Variants in CDH3 observed in about 807,000 individuals in gnomAD.
CDH3 encodes the protein cadherin-3.
CDH3 carries 54 observed loss-of-function variants against 82.0 expected under a neutral mutation model. The ratio of observed to expected loss-of-function variants is 0.66; its 90% CI spans 0.53 to 0.83. CDH3 has a LOEUF of 0.83. Ranked by LOEUF, CDH3 falls within the 40% of genes least tolerant of loss-of-function variation. CDH3 has a pLI of 0.00. For missense variants in CDH3, 1,054 were observed against 1,084.6 expected (o/e 0.97, Z 0.40); for synonymous variants, 446 against 437.9 (o/e 1.02, Z -0.23).
intron 2 of CDH3, chr16:68,651,209 C>G (rs775970724): frequency 1.9e-6 from 1 of 518,136 alleles, no homozygotes; most frequent in African/African-American, 1.9e-5. Flanking sequence ...TGCAGGTAGC[C>G]CATCTGCAGG....
At chr16:68,731,930 A>G (rs956168198), downstream of CDH3, among the ~76,000 whole-genome samples, 6 of 152,212 alleles carry the variant, frequency 3.9e-5, no homozygotes, top group Admixed American at 6.5e-5. Flanking sequence ...CAAAGTTTAC[A>G]AAAACTTTAA....
intron 3 of CDH3, 131 bp from the exon 4 acceptor site, chr16:68,678,003 C>G: frequency 1.2e-6 from 1 of 834,818 alleles, no homozygotes; most frequent in African/African-American, 1.7e-5. Flanking sequence ...CTCAAGTGAC[C>G]CTCCCAAAGT....
At chr16:68,728,146 G>A (rs780624338), downstream of CDH3, among the ~76,000 whole-genome samples, 1 of 135,228 alleles carries the variant, frequency 7.4e-6, no homozygotes, top group Non-Finnish European at 1.6e-5. Flanking sequence ...CCATCCCACA[G>A]TACCTTATGA....
chr16:68,715,523 G>A (rs745564748), intron 1 of CDH3, among the ~76,000 whole-genome samples: 2 of 152,072 alleles, frequency 1.3e-5, no homozygotes, highest in African/African-American at 2.4e-5. Context: ...CAAGTAGCCC[G>A]GGCACACCCT....
chr16:68,645,547 G>A, intron 1 of CDH3, 89 bp from the exon 2 acceptor site: 1 of 1,452,892 alleles, frequency 6.9e-7, no homozygotes, highest in Non-Finnish European at 9.4e-7. Flanking sequence ...AGGGAGTCCC[G>A]GAAGGCCCGT....
At chr16:68,717,225 A>G (rs999774196) in intron 1 of CDH3, among the ~76,000 whole-genome samples, 64 of 152,270 alleles carry the variant, frequency 4.2e-4, no homozygotes, top group African/African-American at 1.5e-3. Flanking sequence ...TACAGTGCTC[A>G]ATATTCATGA....
At chr16:68,645,950 C>T in intron 2 of CDH3, 200 bp downstream of exon 2, 2 of 590,236 alleles carry the variant, frequency 3.4e-6, no homozygotes, top group Admixed American at 6.0e-5. Context: ...CCTATGACAT[C>T]CAGCCCCTTG....
downstream of CDH3, among the ~76,000 whole-genome samples, chr16:68,704,091 C>A (rs1288385274): frequency 1.3e-5 from 2 of 151,952 alleles, no homozygotes; most frequent in South Asian, 4.2e-4. Flanking sequence ...TCGAGACCAT[C>A]CTGGCTAACA....
chr16:68,708,904 A>G (rs1329309576), intron 1 of CDH3, among the ~76,000 whole-genome samples: 2 of 152,060 alleles, frequency 1.3e-5, no homozygotes, highest in Non-Finnish European at 2.9e-5. Flanking sequence ...CGGCCTCCCA[A>G]AGTGCTGGGA....
intron 2 of CDH3, among the ~76,000 whole-genome samples, chr16:68,662,264 G>T (rs1346628149): frequency 1.3e-5 from 2 of 152,122 alleles, no homozygotes; most frequent in Admixed American, 6.6e-5. Flanking sequence ...TTAAGAAGAG[G>T]CTCAATGTGG....
At chr16:68,648,783 G>A (rs970301932) in intron 2 of CDH3, among the ~76,000 whole-genome samples, 4 of 151,916 alleles carry the variant, frequency 2.6e-5, no homozygotes, top group African/African-American at 9.7e-5. Context: ...AGCAGGGCCT[G>A]AGTGGAGAGG....
intron 2 of CDH3, among the ~76,000 whole-genome samples, chr16:68,669,127 T>C (rs1244995273): frequency 6.6e-6 from 1 of 152,262 alleles, no homozygotes; most frequent in Non-Finnish European, 1.5e-5. Context: ...CTGATCTTGC[T>C]GCTTCCTGGG....
intron 13 of CDH3, among the ~76,000 whole-genome samples, chr16:68,692,723 A>G (rs1402706082): frequency 1.3e-5 from 2 of 152,248 alleles, no homozygotes; most frequent in African/African-American, 4.8e-5. Flanking sequence ...GATAGAACCT[A>G]TCACAGTTGT....
intron 7 of CDH3, among the ~76,000 whole-genome samples, chr16:68,680,466 G>A (rs1961186875): frequency 6.6e-6 from 1 of 152,172 alleles, no homozygotes; most frequent in Non-Finnish European, 1.5e-5. Context: ...ATCACTTGAG[G>A]TCAAGAGTTC....
At chr16:68,731,080 T>A (rs1440456717), downstream of CDH3, among the ~76,000 whole-genome samples, 6 of 85,532 alleles carry the variant, frequency 7.0e-5, no homozygotes, top group Non-Finnish European at 9.0e-5. Flanking sequence ...ATATATATAA[T>A]TATAAAAATA....
downstream of CDH3, among the ~76,000 whole-genome samples, chr16:68,731,447 C>T (rs1009731214): frequency 0.12 from 1,106 of 8,926 alleles, 293 homozygotes; most frequent in Non-Finnish European, 0.19. Flanking sequence ...TATATACACA[C>T]ACACGTATAT....
chr16:68,701,138 C>T (rs1317900908), downstream of CDH3, among the ~76,000 whole-genome samples: 5 of 152,246 alleles, frequency 3.3e-5, no homozygotes, highest in Admixed American at 1.3e-4. Context: ...TTTAGGCTGG[C>T]CTTCCTCCCC....
chr16:68,725,726 G>A (rs1219145223), intron 2 of CDH3, among the ~76,000 whole-genome samples: 2 of 152,052 alleles, frequency 1.3e-5, no homozygotes, highest in African/African-American at 2.4e-5. Flanking sequence ...AGAGTCTGTG[G>A]CTCTGACTCA....
In CDH3 at chr16:68,698,573, G is replaced by T; in HGVS notation, c.*173G>T. 1.6e-6 allele frequency: 1 copy of T among 627,196 alleles called. No individual in the cohort carries two copies. The allele number at this position is 627,196 out of a possible 1,614,324, so 38.9% of individuals were successfully genotyped here. On this transcript the variant is annotated 3_prime_UTR_variant, in exon 16 of 16. Transcript: ENST00000264012. Reference sequence around the variant, plus strand: ...AGTGGTGGCTTCCTTAGCCTTTCAGGATGGAGGAATGTGGGCAGTTTGACT... The same window carrying T: ...AGTGGTGGCTTCCTTAGCCTTTCAGTATGGAGGAATGTGGGCAGTTTGACT...
Sources: allele counts gnomAD v4.1 joint callset (sites outside exome capture counted in the v4.1 genomes callset), GRCh38; gene constraint gnomAD v4.1.1; transcripts MANE v1.5; gene names NCBI Gene and HGNC (gene_info 2026-07-23, HGNC 2026-07-21).